MYPN: variants seen among roughly 807,000 people sequenced by gnomAD.
MYPN encodes myopalladin.
A neutral mutation model predicts 129.4 loss-of-function variants in MYPN; 63 were observed. That is an observed-to-expected ratio of 0.49 (90% CI 0.40 to 0.60). MYPN has a LOEUF of 0.60. Ranked by LOEUF, MYPN falls within the 20% of genes least tolerant of loss-of-function variation. The pLI is 0.00. For missense variants in MYPN, 1,596 were observed against 1,635.4 expected (o/e 0.98, Z 0.42); for synonymous variants, 629 against 600.9 (o/e 1.05, Z -0.68).
At chr10:68,108,903 T>C (rs2042044440), upstream of MYPN, among the ~76,000 whole-genome samples, 1 of 152,144 alleles carries the variant, frequency 6.6e-6, no homozygotes, top group Admixed American at 6.5e-5. Flanking sequence ...GTATATTTAG[T>C]GGAGACGGGG....
intron 8 of MYPN, among the ~76,000 whole-genome samples, chr10:68,164,899 A>C (rs914759021): frequency 6.6e-6 from 1 of 152,216 alleles, no homozygotes; most frequent in Non-Finnish European, 1.5e-5. Flanking sequence ...AGTAAAGCAA[A>C]ATATTTATTT....
chr10:68,103,120 C>T (rs535275270), upstream of MYPN, among the ~76,000 whole-genome samples: 3 of 152,276 alleles, frequency 2.0e-5, no homozygotes, highest in South Asian at 6.2e-4. Flanking sequence ...CTTCCTACTG[C>T]CTTTATTCAC....
intron 2 of MYPN, chr10:68,136,664 A>G: frequency 6.5e-7 from 1 of 1,535,172 alleles, no homozygotes; most frequent in Non-Finnish European, 8.7e-7. Flanking sequence ...GAGTTTGGGC[A>G]TTTGAATCAT....
Position 68,158,473 on chromosome 10 carries a change from C to T in MYPN, c.1318-13C>T. 1 of 1,612,724 alleles carries T rather than the reference C, an allele frequency of 6.2e-7. No homozygotes were observed. The highest frequency in any genetic ancestry group is 8.5e-7 in the Non-Finnish European group (1 of 1,178,880). On this transcript the variant is annotated splice_polypyrimidine_tract_variant and intron_variant, in intron 6 of 19. Transcript: ENST00000358913. Reference sequence around the variant, plus strand: ...ACTTTTTTGTTCTAACTACATTCTTCTTATCATTATAGATGCTACAAAATT... The same window carrying T: ...ACTTTTTTGTTCTAACTACATTCTTTTTATCATTATAGATGCTACAAAATT...
intron 8 of MYPN, among the ~76,000 whole-genome samples, chr10:68,164,863 A>C (rs1246942280): frequency 6.6e-6 from 1 of 152,236 alleles, no homozygotes; most frequent in Non-Finnish European, 1.5e-5. Context: ...CAGAATTTCA[A>C]GTTACTCTAT....
intron 2 of MYPN, among the ~76,000 whole-genome samples, chr10:68,139,159 A>C (rs1425865017): frequency 6.6e-6 from 1 of 152,180 alleles, no homozygotes; most frequent in Non-Finnish European, 1.5e-5. Flanking sequence ...CTAACGGCTC[A>C]GAAGAGGAGA....
intron 10 of MYPN, among the ~76,000 whole-genome samples, chr10:68,172,745 G>A (rs887001028): frequency 1.3e-5 from 2 of 152,138 alleles, no homozygotes; most frequent in East Asian, 1.9e-4. Flanking sequence ...ATTCAAATTA[G>A]GACATTTCTG....
intron 19 of MYPN, among the ~76,000 whole-genome samples, chr10:68,208,848 C>G (rs1316673846): frequency 1.3e-5 from 2 of 152,160 alleles, no homozygotes; most frequent in East Asian, 3.8e-4. Flanking sequence ...TCTCTTCTCT[C>G]ACTTCCTAAT....
chr10:68,104,403 T>G (rs1365067909), upstream of MYPN, among the ~76,000 whole-genome samples: 1 of 152,230 alleles, frequency 6.6e-6, no homozygotes, highest in Non-Finnish European at 1.5e-5. Context: ...CATGTTGCTG[T>G]GCTCAGAAAT....
intron 2 of MYPN, chr10:68,135,319 C>A: frequency 5.6e-6 from 1 of 177,540 alleles, no homozygotes; most frequent in Non-Finnish European, 1.1e-5. Flanking sequence ...TCCTACCCTC[C>A]CATGAGTGGA....
intron 1 of MYPN, among the ~76,000 whole-genome samples, chr10:68,112,381 G>T (rs1317261544): frequency 6.6e-6 from 1 of 152,154 alleles, no homozygotes; most frequent in African/African-American, 2.4e-5. Context: ...ACGCTTCGTA[G>T]GAGCCAGTCT....
rs554987837 is a variant in MYPN, at chr10:68,148,564, G to A, written c.1245+97G>A. On this transcript the variant is annotated intron_variant, in intron 5 of 19. Coordinates refer to ENST00000358913, the MANE Select transcript of MYPN (RefSeq NM_032578.4). ...CATGGCATGATCGTGTTTTTCTCAG[G>A]TGCAACTCCATCATCAGGATAATCA... The A allele has an allele frequency of 2.2e-5, 20 of 925,866 alleles. No individual in the cohort carries two copies. The African/African-American group carries it at 2.3e-4, about 11-fold the overall frequency. 57.4% of individuals were successfully genotyped at this position (925,866 alleles called of 1,614,324 possible).
At chr10:68,171,950 A>C (rs1466305549) in intron 10 of MYPN, among the ~76,000 whole-genome samples, 1 of 152,258 alleles carries the variant, frequency 6.6e-6, no homozygotes, top group African/African-American at 2.4e-5. Flanking sequence ...TACTTGATAC[A>C]GTATCTCAAG....
intron 15 of MYPN, among the ~76,000 whole-genome samples, chr10:68,195,978 T>G (rs1247267172): frequency 2.6e-5 from 4 of 152,008 alleles, no homozygotes; most frequent in Non-Finnish European, 4.4e-5. Flanking sequence ...AATTTTTCTG[T>G]GTGTGTGTAG....
At chr10:68,131,543 A>G (rs534809227) in intron 2 of MYPN, among the ~76,000 whole-genome samples, 133 of 152,252 alleles carry the variant, frequency 8.7e-4, no homozygotes, top group African/African-American at 2.4e-3. Flanking sequence ...GGTATTCTTT[A>G]ATTTCTGTCA....
intron 2 of MYPN, among the ~76,000 whole-genome samples, chr10:68,124,727 A>G (rs1012182692): frequency 1.3e-5 from 2 of 152,176 alleles, no homozygotes; most frequent in African/African-American, 4.8e-5. Flanking sequence ...TGAATGAGCT[A>G]GTGGATAAAG....
chr10:68,090,046 T>G lies in MYPN; in HGVS notation c.-2+2054T>G, dbSNP rs528307088. On this transcript the variant is annotated intron_variant, in intron 1 of 6. Transcript: ENST00000685154. The stretch of plus-strand genomic sequence containing the variant: ...TTGCAGGTATTAGATTATTAGTAAA[T>G]AGGCATATTTTCCTCCATCCGACTT... Among the ~76,000 whole-genome samples, 20 of 152,278 alleles carry G rather than the reference T, an allele frequency of 1.3e-4. 2 individuals carry two copies. In the South Asian group the frequency reaches 4.1e-3, roughly 32 times the overall value.
chr10:68,182,428 C>CAT (rs201534383), intron 12 of MYPN, among the ~76,000 whole-genome samples: 20,850 of 91,248 alleles, frequency 0.23, 2,798 homozygotes, highest in Middle Eastern at 0.51. Flanking sequence ...ATATATATAA[C>CAT]ACATATATAT....
rs762725326 is a variant in MYPN, at chr10:68,202,030, C to T, written c.3659+36C>T. 57 of 1,610,818 alleles carry T rather than the reference C, an allele frequency of 3.5e-5. 1 individual carries two copies. Among genetic ancestry groups the T allele is most frequent in the Admixed American group, 5.0e-5 (3 of 60,006 alleles). ...CACCACATCCAGAGGGACTCCCACT[C>T]TCAGTGGGGCTTGTTGCGCCACCCA... On this transcript the variant is annotated intron_variant, in intron 18 of 19. Transcript: ENST00000358913.
Sources: allele counts gnomAD v4.1 joint callset (sites outside exome capture counted in the v4.1 genomes callset), GRCh38; gene constraint gnomAD v4.1.1; transcripts MANE v1.5; gene names NCBI Gene and HGNC (gene_info 2026-07-23, HGNC 2026-07-21).